The following GRIP1 variants were observed in gnomAD, a reference collection of about 807,000 sequenced individuals.
GRIP1 encodes the protein glutamate receptor interacting protein 1.
In GRIP1, 45 loss-of-function variants were observed where a neutral mutation model predicts 129.9. The ratio of observed to expected loss-of-function variants is 0.35; its 90% confidence interval spans 0.27 to 0.44. The LOEUF (loss-of-function observed/expected upper bound fraction) is 0.44. Ranked by LOEUF, GRIP1 falls within the 20% of genes least tolerant of loss-of-function variation. The pLI is 1.00. For missense variants in GRIP1, 1,196 were observed against 1,396.8 expected, an observed-to-expected ratio of 0.86 and a Z score of 2.29; for synonymous variants, 530 against 520.8, an observed-to-expected ratio of 1.02 and a Z score of -0.24.
chr12:66,507,011 T>A (rs1592450103), intron 7 of GRIP1, among the ~76,000 whole-genome samples: 1 of 152,306 alleles, frequency 6.6e-6, no homozygotes, highest in East Asian at 1.9e-4. Flanking sequence ...CCCTCTGAAC[T>A]TCCCTTTAAT....
At chr12:66,392,622 C>T in intron 18 of GRIP1, 55 bp downstream of exon 18, 1 of 1,603,470 alleles carries the variant, frequency 6.2e-7, no homozygotes, top group Non-Finnish European at 8.5e-7. Flanking sequence ...CACATTCTTT[C>T]AAGGAAGAAA....
At chr12:66,652,192 C>T (rs35561777) in intron 1 of GRIP1, among the ~76,000 whole-genome samples, 4,047 of 152,206 alleles carry the variant, frequency 0.027, 87 homozygotes, top group South Asian at 0.043. Context: ...CATCTCAAAC[C>T]GTAACCCCTA....
intron 1 of GRIP1, among the ~76,000 whole-genome samples, chr12:66,763,851 A>G (rs888408374): frequency 1.3e-5 from 2 of 152,210 alleles, no homozygotes; most frequent in African/African-American, 2.4e-5. Context: ...ACACATTTTC[A>G]AAGAGTTTGT....
At chr12:66,362,724 A>G (rs2054848621) in intron 23 of GRIP1, among the ~76,000 whole-genome samples, 2 of 152,000 alleles carry the variant, frequency 1.3e-5, no homozygotes, top group South Asian at 4.1e-4. Flanking sequence ...GGAAGCTATT[A>G]ACATTTCTGA....
intron 7 of GRIP1, among the ~76,000 whole-genome samples, chr12:66,483,521 C>T (rs1273807205): frequency 6.6e-6 from 1 of 152,138 alleles, no homozygotes; most frequent in East Asian, 1.9e-4. Context: ...CCCATGCTAA[C>T]TTGAGTTTGG....
chr12:66,936,028 C>T (rs1484512905), intron 1 of GRIP1, among the ~76,000 whole-genome samples: 1 of 152,058 alleles, frequency 6.6e-6, no homozygotes, highest in Non-Finnish European at 1.5e-5. Flanking sequence ...AACAAACAAA[C>T]AACAACAACA....
chr12:66,453,177 C>A (rs1166454298), intron 11 of GRIP1, among the ~76,000 whole-genome samples: 1 of 152,132 alleles, frequency 6.6e-6, no homozygotes, highest in East Asian at 1.9e-4. Context: ...TTGTTTCCTA[C>A]TACAAAATTT....
chr12:66,597,046 C>A, intron 1 of GRIP1, 119 bp from the exon 2 acceptor site: 2 of 778,794 alleles, frequency 2.6e-6, no homozygotes, highest in South Asian at 1.4e-5. Flanking sequence ...TGGAAAGTGT[C>A]GGTAGGCCTG....
chr12:67,039,655 T>A (rs558198620), intron 1 of GRIP1, among the ~76,000 whole-genome samples: 1 of 152,170 alleles, frequency 6.6e-6, no homozygotes, highest in African/African-American at 2.4e-5. Context: ...GACTGCTTCA[T>A]AAAGACACCT....
intron 19 of GRIP1, among the ~76,000 whole-genome samples, chr12:66,380,005 A>T (rs1431238067): frequency 6.6e-6 from 1 of 152,140 alleles, no homozygotes; most frequent in African/African-American, 2.4e-5. Context: ...TCCCGGGTTC[A>T]AACAATTCTC....
intron 2 of GRIP1, among the ~76,000 whole-genome samples, chr12:66,587,450 G>A (rs900179273): frequency 2.8e-4 from 42 of 152,216 alleles, no homozygotes; most frequent in African/African-American, 9.6e-4. Context: ...ACATAGCATA[G>A]CCTGACCTTA....
At chr12:66,854,859 T>C (rs1377959357) in intron 1 of GRIP1, among the ~76,000 whole-genome samples, 1 of 151,984 alleles carries the variant, frequency 6.6e-6, no homozygotes, top group Non-Finnish European at 1.5e-5. Flanking sequence ...CTATACACAC[T>C]ACCCTATACA....
At chr12:66,458,309 A>G (rs1176836620) in intron 9 of GRIP1, among the ~76,000 whole-genome samples, 1 of 152,150 alleles carries the variant, frequency 6.6e-6, no homozygotes, top group Non-Finnish European at 1.5e-5. Context: ...TCTCCTGCAT[A>G]CCTACCTTCC....
At chr12:66,788,133 C>G (rs1052843441) in intron 1 of GRIP1, among the ~76,000 whole-genome samples, 1 of 152,008 alleles carries the variant, frequency 6.6e-6, no homozygotes, top group Non-Finnish European at 1.5e-5. Context: ...ATTTAGAAAG[C>G]AAAGTTGAGT....
At chr12:66,961,217 C>A (rs751205922) in intron 1 of GRIP1, among the ~76,000 whole-genome samples, 6 of 151,928 alleles carry the variant, frequency 3.9e-5, no homozygotes, top group African/African-American at 1.4e-4. Context: ...AGAGCAGAGA[C>A]GGAGGAGGAG....
chr12:66,869,785 A>T (rs2137148928), intron 1 of GRIP1, among the ~76,000 whole-genome samples: 1 of 152,316 alleles, frequency 6.6e-6, no homozygotes, highest in African/African-American at 2.4e-5. Context: ...TAAAGATACA[A>T]GACAAAAACT....
At chr12:67,021,426 T>C (rs901830084) in intron 1 of GRIP1, among the ~76,000 whole-genome samples, 4 of 152,214 alleles carry the variant, frequency 2.6e-5, no homozygotes, top group Non-Finnish European at 5.9e-5. Flanking sequence ...ATTTTCAGAT[T>C]CATCTCTGTT....
At chr12:66,705,357 G>C (rs2035491404) in intron 1 of GRIP1, among the ~76,000 whole-genome samples, 1 of 151,820 alleles carries the variant, frequency 6.6e-6, no homozygotes, top group Admixed American at 6.6e-5. Context: ...AGGGATATGA[G>C]GAGCCTCTTC....
chr12:66,968,791 C>G (rs1034773531), intron 1 of GRIP1, among the ~76,000 whole-genome samples: 8 of 70,306 alleles, frequency 1.1e-4, no homozygotes, highest in Non-Finnish European at 1.9e-4. Context: ...TTTTACTTTA[C>G]CTTAAATTTA....
Sources: allele counts gnomAD v4.1 joint callset (sites outside exome capture counted in the v4.1 genomes callset), GRCh38; gene constraint gnomAD v4.1.1; transcripts MANE v1.5; gene names NCBI Gene and HGNC (gene_info 2026-07-23, HGNC 2026-07-21).